CALHM4: variants seen among roughly 807,000 people sequenced by gnomAD.
CALHM4 encodes the protein calcium homeostasis modulator protein 4.
Under a neutral mutation model 13.3 loss-of-function variants are expected in CALHM4, and 16 were observed. The observed-to-expected ratio is 1.20, with a 90% CI of 0.81 to 1.82. The LOEUF (loss-of-function observed/expected upper bound fraction) is 1.82, where lower values mean the gene tolerates loss of function less well. Ranked by LOEUF, CALHM4 falls within the 40% of genes most tolerant of loss-of-function variation. The pLI is 0.00. For synonymous variants in CALHM4, 127 were observed against 137.1 expected (o/e 0.93, Z 0.52); for missense variants, 344 against 374.9 (o/e 0.92, Z 0.68).
intron 1 of CALHM4, among the ~76,000 whole-genome samples, chr6:116,529,391 C>G (rs555773355): frequency 5.3e-5 from 8 of 152,302 alleles, no homozygotes; most frequent in African/African-American, 1.9e-4. Flanking sequence ...TTGTAACTAA[C>G]AGAGTCACAA....
chr6:116,535,059 G>A (rs1772993212), intron 1 of CALHM4, among the ~76,000 whole-genome samples: 3 of 152,150 alleles, frequency 2.0e-5, no homozygotes, highest in Admixed American at 6.5e-5. Flanking sequence ...GTGCAAGGCC[G>A]AGCAGTTATA....
chr6:116,554,047 G>C lies in CALHM4; in HGVS notation c.254G>C (p.Cys85Ser). The change falls in exon 1 of 2, where the codon TGT becomes TCT. Residue 85 changes from cysteine (C) to serine (S), a missense_variant. Coordinates refer to ENST00000368596, the MANE Select transcript of CALHM4 (RefSeq NM_001366078.2). Reference sequence around the variant, plus strand: ...ATTACCGGTGAATACTGCTGCAGCTGTGCCCCTCCATACAGGAGAATCAGC... The same window carrying C: ...ATTACCGGTGAATACTGCTGCAGCTCTGCCCCTCCATACAGGAGAATCAGC... Reference protein sequence around the residue: ...WTITGEYCCSCAPPYRRISPL... With the variant: ...WTITGEYCCSSAPPYRRISPL... The C allele has an allele frequency of 2.6e-6, 4 of 1,550,694 alleles. No homozygotes were observed. Among genetic ancestry groups the C allele is most frequent in the Non-Finnish European group, 3.5e-6 (4 of 1,147,032 alleles).
Position 116,560,889 on chromosome 6 carries a change from T to C in CALHM4, c.*2678T>C, listed in dbSNP as rs1326205148. ...TATATAAACCTGCTCCTTTCTTAAT[T>C]TCATTAGCTCCTCCACGGTCCCATC... On this transcript the variant is annotated 3_prime_UTR_variant, in exon 2 of 2. Transcript: ENST00000368596. Among the ~76,000 whole-genome samples the C allele has an allele frequency of 6.6e-6, 1 of 152,164 alleles. No homozygotes were observed. The highest frequency in any genetic ancestry group is 2.4e-5 in the African/African-American group (1 of 41,446).
At chr6:116,546,768 G>T (rs1453155072) in intron 2 of CALHM4, among the ~76,000 whole-genome samples, 2 of 152,136 alleles carry the variant, frequency 1.3e-5, no homozygotes, top group Non-Finnish European at 2.9e-5. Context: ...TATTCTTGTG[G>T]TTGGATAAAT....
At chr6:116,543,254 G>C (rs778824562) in intron 1 of CALHM4, 2 of 1,370,674 alleles carry the variant, frequency 1.5e-6, no homozygotes, top group Admixed American at 4.2e-5. Flanking sequence ...GAATGCAGGT[G>C]ATGTAAGAAA....
At chr6:116,535,670 T>C (rs745489817) in intron 1 of CALHM4, among the ~76,000 whole-genome samples, 19 of 152,362 alleles carry the variant, frequency 1.2e-4, no homozygotes, top group Non-Finnish European at 2.1e-4. Flanking sequence ...AGTTGAATTA[T>C]CTAATATTTC....
chr6:116,544,021 C>G (rs557079014), intron 2 of CALHM4: 26 of 667,006 alleles, frequency 3.9e-5, no homozygotes, highest in Non-Finnish European at 5.7e-5. Flanking sequence ...TTTCCAAGAA[C>G]CTAATAATAA....
intron 2 of CALHM4, chr6:116,543,876 A>C: frequency 1.3e-6 from 2 of 1,531,132 alleles, no homozygotes; most frequent in Non-Finnish European, 1.7e-6. Flanking sequence ...CAAATTTGTG[A>C]GTTTCTTTTC....
intron 1 of CALHM4, among the ~76,000 whole-genome samples, chr6:116,530,079 C>T (rs1407962868): frequency 6.6e-6 from 1 of 151,802 alleles, no homozygotes; most frequent in Non-Finnish European, 1.5e-5. Context: ...AGACTTAGAC[C>T]CAGAATTGTG....
At chr6:116,552,462 C>T (rs968718562), upstream of CALHM4, among the ~76,000 whole-genome samples, 1 of 152,032 alleles carries the variant, frequency 6.6e-6, no homozygotes, top group Non-Finnish European at 1.5e-5. Flanking sequence ...CTATTCCTTC[C>T]TTTTTTCTTC....
chr6:116,542,065 T>C (rs1773497804), intron 1 of CALHM4, among the ~76,000 whole-genome samples: 1 of 152,188 alleles, frequency 6.6e-6, no homozygotes, highest in Non-Finnish European at 1.5e-5. Context: ...GCTTTTTTAT[T>C]ATTCACAGCT....
intron 1 of CALHM4, among the ~76,000 whole-genome samples, 187 bp from the exon 2 acceptor site, chr6:116,557,638 T>C (rs1163150951): frequency 6.6e-6 from 1 of 152,236 alleles, no homozygotes; most frequent in Non-Finnish European, 1.5e-5. Flanking sequence ...GCTGGGCCTA[T>C]GCCCTCCATC....
In CALHM4 at chr6:116,553,925, G is replaced by A. The variant is rs1172965103; in HGVS notation, c.132G>A (p.Gln44=). The change falls in exon 1 of 2, where the codon CAG becomes CAA. Residue 44 remains glutamine, a synonymous_variant. Coordinates refer to ENST00000368596, the MANE Select transcript of CALHM4 (RefSeq NM_001366078.2). ...FSSSTFSCPC[Q]VGKNFYYGSA... is the part of the protein sequence containing the mutation. ...CTTCTACATTCAGCTGTCCTTGTCA[G>A]GTTGGAAAAAATTTCTATTATGGTT... The A allele has an allele frequency of 3.9e-6, 6 of 1,550,640 alleles. No homozygotes were observed. The East Asian group carries it at 7.3e-5, about 19-fold the overall frequency.
Position 116,559,026 on chromosome 6 carries a change from AC to A in CALHM4, c.*817del, listed in dbSNP as rs1244666336. 7.2e-5 allele frequency among the ~76,000 whole-genome samples: 11 copies of A among 152,192 alleles called. No homozygotes were observed. The highest frequency in any genetic ancestry group is 2.9e-5 in the Non-Finnish European group (2 of 68,046). Reference sequence around the variant, plus strand: ...TTGTACCTTTTCATTACCAAATTGCACCTTTGCACTCAAAATCCATTTGTGA... The same window carrying A: ...TTGTACCTTTTCATTACCAAATTGCACTTTGCACTCAAAATCCATTTGTGA... On this transcript the variant is annotated 3_prime_UTR_variant, in exon 2 of 2. Coordinates refer to ENST00000368596, the MANE Select transcript of CALHM4 (RefSeq NM_001366078.2).
At chr6:116,529,943 A>G (rs1411674222) in intron 1 of CALHM4, among the ~76,000 whole-genome samples, 1 of 152,226 alleles carries the variant, frequency 6.6e-6, no homozygotes, top group East Asian at 1.9e-4. Context: ...TGAGTTTTAC[A>G]TATTCATCCT....
In CALHM4 at chr6:116,557,872, C is replaced by G; in HGVS notation, c.606C>G (p.Val202=). ...LITLATIAAL[V]SCCVAKCCSP... is the part of the protein sequence containing the mutation. ...CCTTGGCAACCATTGCTGCCTTAGT[C>G]TCCTGCTGTGTGGCAAAGTGCTGCT... Residue 202 remains valine, a synonymous_variant, in exon 2 of 2, where the codon GTC becomes GTG. Transcript: ENST00000368596. 1 of 1,614,094 alleles carries G rather than the reference C, an allele frequency of 6.2e-7. No homozygotes were observed. Among genetic ancestry groups the G allele is most frequent in the Non-Finnish European group, 8.5e-7 (1 of 1,180,014 alleles).
At chr6:116,537,303 AT>A (rs375123116) in intron 1 of CALHM4, among the ~76,000 whole-genome samples, 5 of 152,302 alleles carry the variant, frequency 3.3e-5, no homozygotes, top group African/African-American at 1.2e-4. Flanking sequence ...GAGAAGGGAT[AT>A]TTGGAAAGCA....
At chr6:116,546,324 T>A (rs1773780480) in intron 2 of CALHM4, among the ~76,000 whole-genome samples, 2 of 152,156 alleles carry the variant, frequency 1.3e-5, no homozygotes, top group Non-Finnish European at 2.9e-5. Flanking sequence ...CAGAAATACT[T>A]AAAGTTCAAA....
Position 116,559,106 on chromosome 6 carries a change from G to T in CALHM4, c.*895G>T, listed in dbSNP as rs1044500260. Reference sequence around the variant, plus strand: ...TCCATTATCTGTAACTACAAAAGAGGATAATTCCTGCTTGGTGTTGCTCTG... The same window carrying T: ...TCCATTATCTGTAACTACAAAAGAGTATAATTCCTGCTTGGTGTTGCTCTG... On this transcript the variant is annotated 3_prime_UTR_variant, in exon 2 of 2. Coordinates refer to ENST00000368596, the MANE Select transcript of CALHM4 (RefSeq NM_001366078.2). Among the ~76,000 whole-genome samples the T allele has an allele frequency of 1.3e-4, 20 of 152,142 alleles. No individual in the cohort carries two copies. The highest frequency in any genetic ancestry group is 4.6e-4 in the African/African-American group (19 of 41,420).
Sources: allele counts gnomAD v4.1 joint callset (sites outside exome capture counted in the v4.1 genomes callset), GRCh38; gene constraint gnomAD v4.1.1; transcripts MANE v1.5; gene names NCBI Gene and HGNC (gene_info 2026-07-23, HGNC 2026-07-21).